Variants in RPS6KC1 observed in about 807,000 individuals in gnomAD.
RPS6KC1 encodes the protein ribosomal protein S6 kinase C1, also known as inactive ribosomal protein S6 kinase delta-1.
A neutral mutation model predicts 103.8 loss-of-function variants in RPS6KC1; 54 were observed. The ratio of observed to expected loss-of-function variants is 0.52; its 90% CI spans 0.42 to 0.65. RPS6KC1 has a LOEUF of 0.65. Among genes scored for constraint, RPS6KC1 ranks in the 30% least tolerant of loss-of-function variants. The pLI, the probability that RPS6KC1 is intolerant of heterozygous loss-of-function variation, is 0.00. For synonymous variants in RPS6KC1, 439 were observed against 438.7 expected (o/e 1.00, Z -0.01); for missense variants, 1,151 against 1,253.8 (o/e 0.92, Z 1.24).
intron 3 of RPS6KC1, among the ~76,000 whole-genome samples, chr1:213,089,690 G>C (rs897781037): frequency 4.6e-5 from 7 of 152,078 alleles, no homozygotes; most frequent in African/African-American, 1.7e-4. Flanking sequence ...TCGAACTCCT[G>C]ACCTCAGGTG....
chr1:213,275,829 A>G (rs2095111454), downstream of RPS6KC1, among the ~76,000 whole-genome samples: 1 of 152,142 alleles, frequency 6.6e-6, no homozygotes, highest in African/African-American at 2.4e-5. Context: ...CTTCCTGTCT[A>G]ACTGAAACTT....
At chr1:213,227,572 T>C (rs564879159) in intron 8 of RPS6KC1, among the ~76,000 whole-genome samples, 1 of 152,350 alleles carries the variant, frequency 6.6e-6, no homozygotes, top group South Asian at 2.1e-4. Context: ...TCATTCAGGT[T>C]GTTGGCTGAA....
the RPS6KC1 span, among the ~76,000 whole-genome samples, chr1:213,439,436 G>A: frequency 0.13 from 20,343 of 151,756 alleles, 1,751 homozygotes; most frequent in East Asian, 0.25. Flanking sequence ...GTAGAACTAA[G>A]AAGTATTTAT....
At chr1:213,664,192 C>CGGGGGGGGGGGGGG in the RPS6KC1 span, among the ~76,000 whole-genome samples, 1 of 29,872 alleles carries the variant, frequency 3.3e-5, no homozygotes, top group Non-Finnish European at 6.0e-5. Context: ...AAGAAATGAG[C>CGGGGGGGGGGGGGG]GGGGGGGCGG....
At chr1:213,187,031 G>A (rs571523802) in intron 8 of RPS6KC1, among the ~76,000 whole-genome samples, 16 of 151,946 alleles carry the variant, frequency 1.1e-4, no homozygotes, top group Non-Finnish European at 1.9e-4. Flanking sequence ...CTTAGCCTCC[G>A]GAGTAACTGG....
the RPS6KC1 span, among the ~76,000 whole-genome samples, chr1:213,501,542 C>T: frequency 5.3e-5 from 8 of 151,960 alleles, no homozygotes; most frequent in African/African-American, 1.9e-4. Context: ...GAAAAAATGC[C>T]AGCCTGGCAA....
the RPS6KC1 span, among the ~76,000 whole-genome samples, chr1:213,515,661 T>G: frequency 3.3e-4 from 50 of 152,082 alleles, no homozygotes; most frequent in African/African-American, 2.4e-4. Context: ...AGTCAGGTAG[T>G]GTGATGCCTC....
the RPS6KC1 span, among the ~76,000 whole-genome samples, chr1:213,537,741 G>A: frequency 6.6e-6 from 1 of 152,278 alleles, no homozygotes; most frequent in Non-Finnish European, 1.5e-5. Context: ...ACTGGCTGCT[G>A]TGTTTGGGGG....
intron 4 of RPS6KC1, among the ~76,000 whole-genome samples, chr1:213,106,423 A>G (rs2082505861): frequency 6.6e-6 from 1 of 152,208 alleles, no homozygotes; most frequent in South Asian, 2.1e-4. Flanking sequence ...GAAACATGGC[A>G]GTTTTTAAAA....
At chr1:213,167,034 G>A (rs7517229) in intron 6 of RPS6KC1, among the ~76,000 whole-genome samples, 93,689 of 152,014 alleles carry the variant, frequency 0.62, 29,290 homozygotes, top group Non-Finnish European at 0.65. Context: ...TTTATAGCTC[G>A]AATAACAGAG....
the RPS6KC1 span, among the ~76,000 whole-genome samples, chr1:213,525,773 A>T: frequency 6.6e-6 from 1 of 152,236 alleles, no homozygotes; most frequent in Non-Finnish European, 1.5e-5. Flanking sequence ...TCTGAGGATG[A>T]TAAGGACTGA....
At chr1:213,487,092 T>C in the RPS6KC1 span, among the ~76,000 whole-genome samples, 1 of 152,138 alleles carries the variant, frequency 6.6e-6, no homozygotes, top group South Asian at 2.1e-4. Context: ...TCTGAGCCAC[T>C]GTTGTCTCTC....
At chr1:213,471,129 G>A in the RPS6KC1 span, among the ~76,000 whole-genome samples, 1 of 152,098 alleles carries the variant, frequency 6.6e-6, no homozygotes, top group Non-Finnish European at 1.5e-5. Context: ...GATTCATTCT[G>A]TTTTTGGTGT....
the RPS6KC1 span, among the ~76,000 whole-genome samples, chr1:213,747,746 C>T: frequency 6.6e-6 from 1 of 152,106 alleles, no homozygotes; most frequent in Non-Finnish European, 1.5e-5. Flanking sequence ...TATAGGGGCA[C>T]CCAATAAAAA....
At chr1:213,219,806 A>G (rs770691810) in intron 8 of RPS6KC1, among the ~76,000 whole-genome samples, 5 of 144,208 alleles carry the variant, frequency 3.5e-5, no homozygotes, top group Non-Finnish European at 7.6e-5. Context: ...GAATTGAACA[A>G]TGAGAACACA....
At chr1:213,306,412 C>G in the RPS6KC1 span, among the ~76,000 whole-genome samples, 1 of 152,264 alleles carries the variant, frequency 6.6e-6, no homozygotes, top group South Asian at 2.1e-4. Context: ...ATGCAAGCAG[C>G]ATTGATAAAT....
chr1:213,346,379 A>T, the RPS6KC1 span, among the ~76,000 whole-genome samples: 1 of 152,220 alleles, frequency 6.6e-6, no homozygotes, highest in Non-Finnish European at 1.5e-5. Flanking sequence ...TATCACCAAT[A>T]AAACTCCAGA....
the RPS6KC1 span, among the ~76,000 whole-genome samples, chr1:213,477,469 C>A: frequency 1.5e-4 from 22 of 151,650 alleles, no homozygotes; most frequent in Admixed American, 1.4e-3. Flanking sequence ...TTATACATTT[C>A]TCTGAGGTTT....
the RPS6KC1 span, among the ~76,000 whole-genome samples, chr1:213,514,577 G>A: frequency 6.6e-6 from 1 of 152,060 alleles, no homozygotes; most frequent in East Asian, 1.9e-4. Context: ...TTTTATGGCT[G>A]CATAGTATTC....
Sources: allele counts gnomAD v4.1 joint callset (sites outside exome capture counted in the v4.1 genomes callset), GRCh38; gene constraint gnomAD v4.1.1; transcripts MANE v1.5; gene names NCBI Gene and HGNC (gene_info 2026-07-23, HGNC 2026-07-21).